Variants in DLG2 observed in about 807,000 individuals in gnomAD.
The protein encoded by DLG2 is disks large homolog 2.
DLG2 carries 45 observed loss-of-function variants against 132.5 expected under a neutral mutation model. That is an observed-to-expected ratio of 0.34 (90% confidence interval 0.27 to 0.44). The LOEUF (loss-of-function observed/expected upper bound fraction) is 0.44, where lower values mean the gene tolerates loss of function less well. DLG2 is among the 20% of genes least tolerant of loss of function. The pLI, the probability that DLG2 is intolerant of heterozygous loss-of-function variation, is 1.00. For missense variants in DLG2, 1,045 were observed against 1,196.9 expected (o/e 0.87, Z 1.87); for synonymous variants, 424 against 419.6 (o/e 1.01, Z -0.13).
chr11:84,917,355 T>C (rs1309817298), intron 6 of DLG2, among the ~76,000 whole-genome samples: 1 of 152,186 alleles, frequency 6.6e-6, no homozygotes, highest in Non-Finnish European at 1.5e-5. Context: ...CCTTACCTAA[T>C]TTTAAAAAAA....
At chr11:84,176,454 G>A (rs938585240) in intron 8 of DLG2, among the ~76,000 whole-genome samples, 8 of 150,810 alleles carry the variant, frequency 5.3e-5, no homozygotes, top group East Asian at 1.9e-4. Flanking sequence ...GTATATGCAC[G>A]GGGCAGTTGT....
intron 7 of DLG2, among the ~76,000 whole-genome samples, chr11:84,352,138 A>C (rs138980057): frequency 8.2e-4 from 125 of 152,334 alleles, no homozygotes; most frequent in African/African-American, 2.8e-3. Flanking sequence ...ACCAACCAAA[A>C]GAAGACCTTC....
chr11:85,432,413 T>A (rs1440672937), intron 3 of DLG2, among the ~76,000 whole-genome samples: 1 of 152,126 alleles, frequency 6.6e-6, no homozygotes, highest in Non-Finnish European at 1.5e-5. Flanking sequence ...TGCCATGTTC[T>A]TGGCAAAGAA....
intron 6 of DLG2, among the ~76,000 whole-genome samples, chr11:84,903,672 T>G (rs1384912986): frequency 6.6e-6 from 1 of 152,136 alleles, no homozygotes; most frequent in Non-Finnish European, 1.5e-5. Flanking sequence ...TGAATATAGT[T>G]TCCCTCAACT....
At chr11:84,102,009 T>A (rs955463432) in intron 9 of DLG2, among the ~76,000 whole-genome samples, 10 of 152,176 alleles carry the variant, frequency 6.6e-5, no homozygotes, top group South Asian at 6.2e-4. Flanking sequence ...CAGACCTCAC[T>A]ATAATTCATC....
At chr11:85,428,809 A>G (rs2090963172) in intron 3 of DLG2, among the ~76,000 whole-genome samples, 1 of 152,204 alleles carries the variant, frequency 6.6e-6, no homozygotes, top group Admixed American at 6.5e-5. Context: ...GAGACACAAA[A>G]AACCCTTCAA....
intron 11 of DLG2, among the ~76,000 whole-genome samples, chr11:84,038,081 A>C (rs1199087900): frequency 6.6e-6 from 1 of 151,994 alleles, no homozygotes; most frequent in Non-Finnish European, 1.5e-5. Context: ...TATTAAGCAT[A>C]GTGCCCATTA....
chr11:83,934,877 T>G (rs576152363), intron 14 of DLG2, among the ~76,000 whole-genome samples: 4 of 152,184 alleles, frequency 2.6e-5, no homozygotes, highest in African/African-American at 9.7e-5. Flanking sequence ...TGAAAGGAAC[T>G]GTGAAATGAA....
chr11:85,262,293 T>C (rs1428405232), intron 4 of DLG2, among the ~76,000 whole-genome samples: 1 of 152,138 alleles, frequency 6.6e-6, no homozygotes, highest in East Asian at 1.9e-4. Flanking sequence ...TTAAATTAAA[T>C]ATTAAAAGCT....
chr11:83,833,795 G>C, intron 16 of DLG2, 25 bp from the exon 17 acceptor site: 1 of 1,605,950 alleles, frequency 6.2e-7, no homozygotes, highest in Non-Finnish European at 8.5e-7. Context: ...AGAGAACACA[G>C]CTCAGAGGGT....
chr11:84,160,008 C>A (rs1182598923), intron 9 of DLG2, among the ~76,000 whole-genome samples: 1 of 152,100 alleles, frequency 6.6e-6, no homozygotes, highest in Non-Finnish European at 1.5e-5. Flanking sequence ...GTTACTTTGG[C>A]CCTGAGAAGA....
chr11:83,921,237 C>CCAT (rs2077829616), intron 15 of DLG2, among the ~76,000 whole-genome samples: 1 of 152,034 alleles, frequency 6.6e-6, no homozygotes, highest in South Asian at 2.1e-4. Context: ...CTCATAGTTG[C>CCAT]CATCATCATC....
At chr11:84,200,264 G>C (rs932954210) in intron 8 of DLG2, among the ~76,000 whole-genome samples, 1 of 152,044 alleles carries the variant, frequency 6.6e-6, no homozygotes, top group African/African-American at 2.4e-5. Flanking sequence ...TTAATTGCCA[G>C]CATGTCTGCA....
intron 9 of DLG2, among the ~76,000 whole-genome samples, chr11:84,109,674 G>C (rs1046707321): frequency 3.3e-5 from 5 of 152,064 alleles, no homozygotes; most frequent in African/African-American, 1.2e-4. Context: ...TTAATTTGTT[G>C]ATCATTTTTC....
intron 6 of DLG2, among the ~76,000 whole-genome samples, chr11:84,916,739 C>A (rs2092493060): frequency 6.6e-6 from 1 of 152,134 alleles, no homozygotes; most frequent in East Asian, 1.9e-4. Context: ...ACACAGCTGG[C>A]TTCCCATCTC....
chr11:85,184,546 G>A (rs1270014855), intron 4 of DLG2, among the ~76,000 whole-genome samples: 1 of 151,788 alleles, frequency 6.6e-6, no homozygotes, highest in Non-Finnish European at 1.5e-5. Flanking sequence ...TTGAAGCCAT[G>A]CTTGGAGATA....
At chr11:83,929,509 AT>A (rs2079737067) in intron 15 of DLG2, among the ~76,000 whole-genome samples, 1 of 152,166 alleles carries the variant, frequency 6.6e-6, no homozygotes, top group African/African-American at 2.4e-5. Flanking sequence ...TTTGTTATTT[AT>A]CATATATAGG....
At chr11:85,383,093 G>A (rs1421131259) in intron 3 of DLG2, among the ~76,000 whole-genome samples, 2 of 152,108 alleles carry the variant, frequency 1.3e-5, no homozygotes, top group African/African-American at 4.8e-5. Context: ...TTCATCAGCT[G>A]ATGAACAGAT....
intron 7 of DLG2, among the ~76,000 whole-genome samples, chr11:84,423,559 A>C (rs923930145): frequency 2.6e-5 from 4 of 152,144 alleles, no homozygotes; most frequent in African/African-American, 9.6e-5. Context: ...CTATGTTGCA[A>C]TTGCTCCTTT....
Sources: allele counts gnomAD v4.1 joint callset (sites outside exome capture counted in the v4.1 genomes callset), GRCh38; gene constraint gnomAD v4.1.1; transcripts MANE v1.5; gene names NCBI Gene and HGNC (gene_info 2026-07-23, HGNC 2026-07-21).